The following NLRC3 variants were observed in gnomAD, a reference collection of about 807,000 sequenced individuals.
NLRC3 encodes NLR family CARD domain containing 3.
In NLRC3, 87 loss-of-function variants were observed where a neutral mutation model predicts 91.6. That is an observed-to-expected ratio of 0.95 (90% confidence interval 0.80 to 1.14). The LOEUF is 1.14. Among genes scored for constraint, NLRC3 ranks in the 50% most tolerant of loss-of-function variants. The probability of loss-of-function intolerance (pLI) is 0.00; values close to 1 mark genes in which losing one functional copy is unlikely to be tolerated. For synonymous variants in NLRC3, 694 were observed against 625.3 expected, an observed-to-expected ratio of 1.11 and a Z score of -1.64; for missense variants, 1,577 against 1,418.6, an observed-to-expected ratio of 1.11 and a Z score of -1.79.
chr16:3,572,976 C>G (rs2040151458), intron 1 of NLRC3, among the ~76,000 whole-genome samples: 1 of 138,418 alleles, frequency 7.2e-6, no homozygotes, highest in Admixed American at 7.8e-5. Flanking sequence ...GGTGCCACTG[C>G]ACTCTAGCCT....
chr16:3,549,298 T>G (rs2038872437), intron 12 of NLRC3, 73 bp from the exon 13 acceptor site: 2 of 1,149,168 alleles, frequency 1.7e-6, no homozygotes, highest in South Asian at 1.3e-5. Context: ...CCCAGGTGTT[T>G]AGGCTTCTTG....
chr16:3,563,781 T>C lies in NLRC3; in HGVS notation c.1156A>G (p.Ile386Val), dbSNP rs1178648997. Reference sequence around the variant, plus strand: ...CGGCCACCATGGGCCACCTGCTCGATGCGAGGGCTTGCCTTGCCCTTCTCC... The same window carrying C: ...CGGCCACCATGGGCCACCTGCTCGACGCGAGGGCTTGCCTTGCCCTTCTCC... The part of the protein sequence containing the change: ...GQEKGKASPR[I>V]EQVAHGGRKM... Residue 386 changes from isoleucine (I) to valine (V), a missense_variant, in exon 5 of 20, where the codon ATC (isoleucine) becomes GTC (valine). By Grantham distance (29) the Ile-to-Val change is conservative (BLOSUM62 3). Coordinates refer to ENST00000359128, the MANE Select transcript of NLRC3 (RefSeq NM_178844.4). 6.2e-7 allele frequency: 1 copy of C among 1,612,686 alleles called. No individual in the cohort carries two copies. The highest frequency in any genetic ancestry group is 1.3e-5 in the African/African-American group (1 of 74,944).
chr16:3,563,801 T>C lies in NLRC3; in HGVS notation c.1136A>G (p.Lys379Arg), dbSNP rs1469503607. The change falls in exon 5 of 20, where the codon AAG (lysine) becomes AGG (arginine). Residue 379 changes from lysine to arginine, a missense_variant. Coordinates refer to ENST00000359128, the MANE Select transcript of NLRC3 (RefSeq NM_178844.4). ...RMALSGEGQEKGKASPRIEQV... is the reference protein window; with the variant it reads ...RMALSGEGQERGKASPRIEQV... ...CTCGATGCGAGGGCTTGCCTTGCCC[T>C]TCTCCTGCCCCTCCCCGCTGAGGGC... 6.2e-7 allele frequency: 1 copy of C among 1,611,356 alleles called. No individual in the cohort carries two copies. Among genetic ancestry groups the C allele is most frequent in the Non-Finnish European group, 8.5e-7 (1 of 1,178,592 alleles).
intron 1 of NLRC3, among the ~76,000 whole-genome samples, chr16:3,569,398 T>TATATATATATATATATATATA (rs1555446808): frequency 4.1e-5 from 1 of 24,516 alleles, no homozygotes; most frequent in African/African-American, 1.2e-4. Flanking sequence ...ATATATATTA[T>TATATATATATATATATATATA]TTTTTTTTTT....
intron 16 of NLRC3, 148 bp downstream of exon 16, chr16:3,544,098 C>A: frequency 1.7e-6 from 1 of 595,898 alleles, no homozygotes. Context: ...GTGGAGGTTA[C>A]AGTTAGCTGA....
intron 15 of NLRC3, among the ~76,000 whole-genome samples, chr16:3,546,750 G>A (rs1176246671): frequency 6.6e-6 from 1 of 152,146 alleles, no homozygotes; most frequent in Non-Finnish European, 1.5e-5. Flanking sequence ...GCAGGTCTAG[G>A]GTTGAGGAGA....
intron 15 of NLRC3, among the ~76,000 whole-genome samples, chr16:3,547,011 A>G (rs1211731228): frequency 6.6e-6 from 1 of 152,174 alleles, no homozygotes; most frequent in African/African-American, 2.4e-5. Context: ...GGTTAAACCT[A>G]GAGTTCCCTC....
intron 5 of NLRC3, among the ~76,000 whole-genome samples, chr16:3,562,332 A>G (rs576776061): frequency 1.3e-5 from 2 of 152,290 alleles, no homozygotes; most frequent in South Asian, 2.1e-4. Context: ...CCAGTGTGAC[A>G]GTGTCTTTTT....
chr16:3,548,442 C>T (rs543678438), intron 14 of NLRC3, among the ~76,000 whole-genome samples: 1 of 152,360 alleles, frequency 6.6e-6, no homozygotes, highest in African/African-American at 2.4e-5. Flanking sequence ...TCCAAATGGC[C>T]TCTGCCTGGA....
chr16:3,561,745 C>A lies in NLRC3; in HGVS notation c.1972G>T (p.Gly658Cys), dbSNP rs2039621707. ...CAGTCCTTCCCACTCAGCACGCTGC[C>A]CAGCAGCTCCATCACGGGGTCCTGG... The part of the protein sequence containing the change: ...QFQDPVMELL[G>C]SVLSGKDCRI... Residue 658 changes from glycine (G) to cysteine (C), a missense_variant, in exon 6 of 20, where the codon GGC becomes TGC. By Grantham distance (159) the Gly-to-Cys change is radical. Coordinates refer to ENST00000359128, the MANE Select transcript of NLRC3 (RefSeq NM_178844.4). 2 of 1,613,662 alleles carry A rather than the reference C, an allele frequency of 1.2e-6. No individual in the cohort carries two copies. Among genetic ancestry groups the A allele is most frequent in the Non-Finnish European group, 1.7e-6 (2 of 1,179,764 alleles).
At chr16:3,546,005 G>A (rs1338729211) in intron 15 of NLRC3, among the ~76,000 whole-genome samples, 1 of 152,152 alleles carries the variant, frequency 6.6e-6, no homozygotes, top group Non-Finnish European at 1.5e-5. Flanking sequence ...GGAGGTGAGT[G>A]GTGCCGATGG....
At chr16:3,556,311 T>C (rs1596464940) in intron 8 of NLRC3, among the ~76,000 whole-genome samples, 2 of 29,860 alleles carry the variant, frequency 6.7e-5, no homozygotes, top group African/African-American at 2.4e-4. Context: ...AAAGAAAGAA[T>C]CCGTCTCAAA....
intron 1 of NLRC3, among the ~76,000 whole-genome samples, chr16:3,570,590 G>T (rs1035038644): frequency 1.3e-5 from 2 of 152,190 alleles, no homozygotes; most frequent in Non-Finnish European, 2.9e-5. Context: ...GGGAGGAGGA[G>T]CAGAGGTGGT....
Position 3,563,583 on chromosome 16 carries a change from A to G in NLRC3, c.1354T>C (p.Cys452Arg). Residue 452 changes from cysteine to arginine, a missense_variant, in exon 5 of 20, where the codon TGC (cysteine) becomes CGC (arginine). Coordinates refer to ENST00000359128, the MANE Select transcript of NLRC3 (RefSeq NM_178844.4). ...EETLASSVAY[C>R]FTHLSLQEFV... ...TCCTGCAGGGACAGGTGGGTGAAGC[A>G]GTAGGCCACTGACGATGCCAACGTC... is the stretch of plus-strand genomic sequence containing the variant. 1 of 1,612,924 alleles carries G rather than the reference A, an allele frequency of 6.2e-7. No individual in the cohort carries two copies. The highest frequency in any genetic ancestry group is 8.5e-7 in the Non-Finnish European group (1 of 1,179,664).
chr16:3,542,332 CG>C, intron 18 of NLRC3, 58 bp from the exon 19 acceptor site: 2 of 1,076,106 alleles, frequency 1.9e-6, no homozygotes, highest in Non-Finnish European at 2.8e-6. Context: ...GGAAAACACC[CG>C]GGGAAGCAAC....
Position 3,542,702 on chromosome 16 carries a change from G to T in NLRC3, c.3013C>A (p.Arg1005=). The T allele has an allele frequency of 6.2e-7, 1 of 1,608,302 alleles. No individual in the cohort carries two copies. Among genetic ancestry groups the T allele is most frequent in the Non-Finnish European group, 8.5e-7 (1 of 1,176,490 alleles). The change falls in exon 18 of 20, where the codon CGG becomes AGG. Residue 1005 remains arginine, a synonymous_variant. Transcript: ENST00000359128. ...CCTCCAGCCACTTACTTGAGTCTCC[G>T]GAGACTTGAGTTTACCTTCAGAGCA... ...ANALKVNSSL[R]RLNLQENSLG... is the part of the protein sequence containing the mutation.
chr16:3,552,067 A>C (rs1596455061), intron 10 of NLRC3, 129 bp downstream of exon 10: 1 of 643,968 alleles, frequency 1.6e-6, no homozygotes. Context: ...CCATCCATCC[A>C]CCCACCCATC....
intron 1 of NLRC3, among the ~76,000 whole-genome samples, chr16:3,570,898 A>G (rs1277787134): frequency 6.6e-6 from 1 of 152,198 alleles, no homozygotes; most frequent in East Asian, 1.9e-4. Context: ...CCTGGAATCC[A>G]TGAGCTACAC....
intron 8 of NLRC3, among the ~76,000 whole-genome samples, chr16:3,555,186 C>T (rs144748440): frequency 0.013 from 1,992 of 148,568 alleles, 52 homozygotes; most frequent in African/African-American, 0.047. Flanking sequence ...GCTAAGATCA[C>T]GCCACTGCAC....
Sources: gnomAD v4.1 joint callset for allele counts (sites outside exome capture counted in the v4.1 genomes callset) on GRCh38, gnomAD v4.1.1 for gene constraint, MANE v1.5 for transcripts, NCBI Gene and HGNC (gene_info 2026-07-23, HGNC 2026-07-21) for gene names.